The following RGS6 variants were observed in gnomAD, a reference collection of about 807,000 sequenced individuals.
RGS6 encodes the protein regulator of G protein signaling 6.
Under a neutral mutation model 78.5 loss-of-function variants are expected in RGS6, and 30 were observed. That is an observed-to-expected ratio of 0.38 (90% CI 0.29 to 0.52). The LOEUF (loss-of-function observed/expected upper bound fraction) is 0.52. RGS6 is among the 20% of genes least tolerant of loss of function. The pLI is 0.85. For missense variants in RGS6, 495 were observed against 609.7 expected (o/e 0.81, Z 1.98); for synonymous variants, 206 against 206.0 (o/e 1.00, Z 0.00).
intron 2 of RGS6, among the ~76,000 whole-genome samples, chr14:72,069,047 C>T (rs2094300445): frequency 6.6e-6 from 1 of 151,854 alleles, no homozygotes; most frequent in South Asian, 2.1e-4. Context: ...TCTTGGCTCA[C>T]TGCAACCTCT....
chr14:72,556,197 A>AAAAG (rs1245611801), intron 17 of RGS6, among the ~76,000 whole-genome samples: 1 of 152,236 alleles, frequency 6.6e-6, no homozygotes, highest in African/African-American at 2.4e-5. Context: ...ATTTCTAATG[A>AAAAG]AAAGAGGTTT....
rs115130671 is a variant in RGS6, at chr14:72,272,641, C to T, written c.85-79454C>T. Among the ~76,000 whole-genome samples, 607 of 152,278 alleles carry T rather than the reference C, an allele frequency of 4.0e-3. 2 individuals carry two copies. Among genetic ancestry groups the T allele is most frequent in the African/African-American group, 0.014 (575 of 41,552 alleles). ...GCTCGGTGTCTGTGCCCTTTTATTT[C>T]TCTCTTGGGCCCAGCCCCATCATCC... On this transcript the variant is annotated intron_variant, in intron 2 of 17. Coordinates refer to ENST00000553525, the MANE Select transcript of RGS6 (RefSeq NM_001204424.2).
chr14:71,880,375 A>G, the RGS6 span, among the ~76,000 whole-genome samples: 1 of 152,364 alleles, frequency 6.6e-6, no homozygotes, highest in African/African-American at 2.4e-5. Context: ...TTAATCCCCA[A>G]GACAATGGGG....
At chr14:71,890,348 G>A in the RGS6 span, among the ~76,000 whole-genome samples, 1 of 130,796 alleles carries the variant, frequency 7.6e-6, no homozygotes, top group Non-Finnish European at 1.6e-5. Flanking sequence ...GTGTGTGCGT[G>A]TGCATAAGAC....
At chr14:72,413,103 G>A (rs544270985) in intron 3 of RGS6, among the ~76,000 whole-genome samples, 1 of 152,270 alleles carries the variant, frequency 6.6e-6, no homozygotes, top group African/African-American at 2.4e-5. Flanking sequence ...GCAGACCTGA[G>A]TTCAATTCCT....
intron 2 of RGS6, among the ~76,000 whole-genome samples, chr14:72,057,588 TC>T (rs576257918): frequency 4.6e-5 from 7 of 152,228 alleles, no homozygotes; most frequent in Non-Finnish European, 1.0e-4. Flanking sequence ...CTGAGATACT[TC>T]CTAGGAAGTT....
intron 1 of RGS6, among the ~76,000 whole-genome samples, chr14:71,948,979 A>G (rs2091960788): frequency 6.6e-6 from 1 of 151,876 alleles, no homozygotes; most frequent in Non-Finnish European, 1.5e-5. Flanking sequence ...TGTTTGTGAA[A>G]TTCATCTATG....
the RGS6 span, among the ~76,000 whole-genome samples, chr14:72,629,297 A>G: frequency 6.6e-6 from 1 of 152,224 alleles, no homozygotes; most frequent in Non-Finnish European, 1.5e-5. Flanking sequence ...CATCAATTCT[A>G]TTATTCTCTC....
intron 13 of RGS6, 30 bp from the exon 14 acceptor site, chr14:72,510,123 CT>C: frequency 6.5e-7 from 1 of 1,550,048 alleles, no homozygotes; most frequent in Non-Finnish European, 8.7e-7. Flanking sequence ...TGGTATTGAT[CT>C]TCTTTAAACC....
chr14:72,478,200 G>A, intron 11 of RGS6, 68 bp from the exon 12 acceptor site: 2 of 1,186,532 alleles, frequency 1.7e-6, no homozygotes, highest in Non-Finnish European at 2.5e-6. Context: ...CAGGATTTGG[G>A]TTTGTGGAGC....
chr14:72,611,938 T>C, the RGS6 span, among the ~76,000 whole-genome samples: 1 of 152,160 alleles, frequency 6.6e-6, no homozygotes, highest in African/African-American at 2.4e-5. Context: ...CACGATTGCT[T>C]GGCAGAGCTT....
At chr14:72,536,115 A>G (rs943223988) in intron 15 of RGS6, 71 bp from the exon 16 acceptor site, 10 of 1,170,414 alleles carry the variant, frequency 8.5e-6, no homozygotes, top group African/African-American at 6.0e-5. Context: ...ACAGTGATCA[A>G]TTGGATTGTA....
rs565951184 is a variant in RGS6 at position 72,329,986 on chromosome 14, C to T, written c.85-22109C>T. Among the ~76,000 whole-genome samples the T allele has an allele frequency of 7.9e-4, 120 of 152,332 alleles. 2 individuals carry two copies. The highest frequency in any genetic ancestry group is 3.4e-3 in the Middle Eastern group (1 of 294). On this transcript the variant is annotated intron_variant, in intron 2 of 17. Coordinates refer to ENST00000553525, the MANE Select transcript of RGS6 (RefSeq NM_001204424.2). ...CTTTCAAGTAGAGTGAAGCCTCCTC[C>T]GTGGTGAACTATAAACTTGGATGGC...
At chr14:72,302,848 C>A (rs761388693) in intron 2 of RGS6, among the ~76,000 whole-genome samples, 1 of 152,170 alleles carries the variant, frequency 6.6e-6, no homozygotes, top group Non-Finnish European at 1.5e-5. Context: ...GGGAGGGACC[C>A]AGTGGGAGGT....
chr14:72,541,372 C>G, intron 17 of RGS6: 1 of 1,412,766 alleles, frequency 7.1e-7, no homozygotes. Context: ...ATGTAAACCT[C>G]AAATAACTCT....
rs2097146162 is a variant in RGS6 at position 72,528,619 on chromosome 14, GAGAA to G, written c.1279-7563_1279-7560del. ...AGCTTAGTCATCTCTGTTGTAGAAA[GAGAA>G]AGAGAGAGAGGGCAAGAAAGGGAAA... On this transcript the variant is annotated intron_variant, in intron 15 of 17. Coordinates refer to ENST00000553525, the MANE Select transcript of RGS6 (RefSeq NM_001204424.2). Among the ~76,000 whole-genome samples the G allele has an allele frequency of 2.0e-5, 3 of 152,262 alleles. No homozygotes were observed. The South Asian group carries it at 6.2e-4, about 32-fold the overall frequency.
At chr14:72,000,030 G>C (rs879887023) in intron 2 of RGS6, among the ~76,000 whole-genome samples, 5 of 152,186 alleles carry the variant, frequency 3.3e-5, no homozygotes, top group Admixed American at 3.3e-4. Flanking sequence ...TGTTAGTGGA[G>C]ATAAGACTGG....
At chr14:72,219,243 T>C (rs1445813945) in intron 2 of RGS6, among the ~76,000 whole-genome samples, 1 of 152,092 alleles carries the variant, frequency 6.6e-6, no homozygotes, top group East Asian at 1.9e-4. Context: ...TGACCATGAA[T>C]GACCACAAAT....
intron 2 of RGS6, among the ~76,000 whole-genome samples, chr14:72,302,048 G>C: frequency 6.6e-6 from 1 of 152,194 alleles, no homozygotes; most frequent in Admixed American, 6.5e-5. Context: ...TGGAAATCTA[G>C]TTTATCTTCA....
Sources: gnomAD v4.1 joint callset for allele counts (sites outside exome capture counted in the v4.1 genomes callset) on GRCh38, gnomAD v4.1.1 for gene constraint, MANE v1.5 for transcripts, NCBI Gene and HGNC (gene_info 2026-07-23, HGNC 2026-07-21) for gene names.